KLHL5: variants seen among roughly 807,000 people sequenced by gnomAD.
The protein encoded by KLHL5 is kelch-like protein 5.
In KLHL5, 48 loss-of-function variants were observed where a neutral mutation model predicts 77.7. The observed-to-expected ratio is 0.62, with a 90% CI of 0.49 to 0.79. The LOEUF (loss-of-function observed/expected upper bound fraction) is 0.79, where lower values mean the gene tolerates loss of function less well. Among genes scored for constraint, KLHL5 ranks in the 30% least tolerant of loss-of-function variants. The probability of loss-of-function intolerance (pLI) is 0.00; values close to 1 mark genes in which losing one functional copy is unlikely to be tolerated. For missense variants in KLHL5, 723 were observed against 859.7 expected (o/e 0.84, Z 1.99); for synonymous variants, 260 against 297.0 (o/e 0.88, Z 1.28).
chr4:39,093,868 C>T (rs1462037336), intron 5 of KLHL5, among the ~76,000 whole-genome samples: 1 of 151,428 alleles, frequency 6.6e-6, no homozygotes, highest in African/African-American at 2.4e-5. Context: ...ATTGCGCCAC[C>T]ACACTCCAGC....
chr4:39,119,065 T>A (rs1723042636), intron 10 of KLHL5, among the ~76,000 whole-genome samples: 1 of 152,156 alleles, frequency 6.6e-6, no homozygotes, highest in Non-Finnish European at 1.5e-5. Context: ...AAGATAAGAA[T>A]CTCTTTTTCT....
upstream of KLHL5, chr4:39,044,962 C>G (rs1439798161): frequency 4.8e-6 from 4 of 833,450 alleles, no homozygotes; most frequent in Non-Finnish European, 5.2e-6. Flanking sequence ...TGAGGCTGCC[C>G]GGACAGGGTC....
At chr4:39,141,264 C>T in the KLHL5 span, among the ~76,000 whole-genome samples, 3 of 150,436 alleles carry the variant, frequency 2.0e-5, no homozygotes, top group African/African-American at 4.9e-5. Flanking sequence ...CTATATTAAA[C>T]ATTCCACTTC....
chr4:39,082,800 C>G (rs938917312), intron 4 of KLHL5, among the ~76,000 whole-genome samples: 10 of 152,036 alleles, frequency 6.6e-5, no homozygotes, highest in Non-Finnish European at 1.0e-4. Flanking sequence ...ATGGATTGAC[C>G]TAGGATAGTA....
chr4:39,125,083 A>G lies in KLHL5; in HGVS notation c.*4017A>G, dbSNP rs1723455454. On this transcript the variant is annotated 3_prime_UTR_variant, in exon 11 of 11. Transcript: ENST00000504108. ...TGGAAAGCACTCAACCTCATCAGTC[A>G]TTATGCAAATCAGCGCCACAAGAAG... 6.6e-6 allele frequency among the ~76,000 whole-genome samples: 1 copy of G among 152,172 alleles called. No homozygotes were observed.
intron 1 of KLHL5, 58 bp from the exon 2 acceptor site, chr4:39,075,907 A>C: frequency 1.4e-6 from 2 of 1,416,254 alleles, no homozygotes; most frequent in Non-Finnish European, 1.9e-6. Flanking sequence ...ACTTAATAGG[A>C]AAGATCTTTT....
intron 5 of KLHL5, among the ~76,000 whole-genome samples, chr4:39,092,939 G>C (rs1007981118): frequency 6.6e-6 from 1 of 152,174 alleles, no homozygotes; most frequent in Non-Finnish European, 1.5e-5. Flanking sequence ...TTAGAAAACA[G>C]TTAGGTTGTT....
chr4:39,062,974 A>G lies in KLHL5; in HGVS notation c.322A>G (p.Arg108Gly), dbSNP rs768567419. The change falls in exon 1 of 11, where the codon AGA becomes GGA. Residue 108 changes from arginine to glycine, a missense_variant. Coordinates refer to ENST00000504108, the MANE Select transcript of KLHL5 (RefSeq NM_015990.5). Reference sequence around the variant, plus strand: ...TTGTGGCGGTGCACATTGGCTGGATAGACCAGAAGTGGATGATGGCACTAG... The same window carrying G: ...TTGTGGCGGTGCACATTGGCTGGATGGACCAGAAGTGGATGATGGCACTAG... ...EDCGGAHWLD[R>G]PEVDDGTSEE... The G allele has an allele frequency of 2.5e-6, 4 of 1,613,998 alleles. No homozygotes were observed. In the South Asian group the frequency reaches 3.3e-5, roughly 13 times the overall value.
intron 10 of KLHL5, 108 bp downstream of exon 10, chr4:39,115,438 AATATGACAATCACGTTTTG>A: frequency 6.5e-7 from 1 of 1,549,582 alleles, no homozygotes. Context: ...ATATGGCATA[AATATGACAATCACGTTTTG>A]ATTAGCGATG....
intron 2 of KLHL5, among the ~76,000 whole-genome samples, 180 bp from the exon 3 acceptor site, chr4:39,080,923 G>A (rs554793750): frequency 1.6e-4 from 24 of 152,226 alleles, no homozygotes; most frequent in African/African-American, 5.8e-4. Flanking sequence ...CAGAAAATTT[G>A]GTAATGGTAA....
intron 9 of KLHL5, among the ~76,000 whole-genome samples, chr4:39,113,440 C>G (rs1722604713): frequency 6.6e-6 from 1 of 151,986 alleles, no homozygotes; most frequent in Non-Finnish European, 1.5e-5. Flanking sequence ...ACATGCAAGG[C>G]AATTTTATTT....
chr4:39,091,146 G>C (rs1002215650), intron 5 of KLHL5, among the ~76,000 whole-genome samples: 2 of 151,558 alleles, frequency 1.3e-5, no homozygotes, highest in African/African-American at 4.9e-5. Context: ...ATGCCACTAC[G>C]CCTGGCTAAT....
intron 6 of KLHL5, among the ~76,000 whole-genome samples, chr4:39,099,054 G>T (rs916495452): frequency 6.6e-6 from 1 of 152,208 alleles, no homozygotes; most frequent in South Asian, 2.1e-4. Flanking sequence ...AGGCCAAGGC[G>T]GGTGGATCAC....
chr4:39,118,620 G>C (rs953497667), intron 10 of KLHL5, among the ~76,000 whole-genome samples: 3 of 152,144 alleles, frequency 2.0e-5, no homozygotes, highest in Admixed American at 2.0e-4. Flanking sequence ...GCTGGGCGTG[G>C]TGGCGTGCAC....
intron 1 of KLHL5, among the ~76,000 whole-genome samples, chr4:39,053,062 G>A (rs1372646607): frequency 6.6e-6 from 1 of 152,188 alleles, no homozygotes; most frequent in Non-Finnish European, 1.5e-5. Flanking sequence ...TTTAGGGCAA[G>A]CTAGGCAGTT....
chr4:39,089,739 T>C (rs1720349234), intron 5 of KLHL5, among the ~76,000 whole-genome samples: 1 of 152,200 alleles, frequency 6.6e-6, no homozygotes, highest in African/African-American at 2.4e-5. Flanking sequence ...GGGGAACTTC[T>C]TGGAAATACA....
chr4:39,103,223 T>C, intron 6 of KLHL5, 64 bp from the exon 7 acceptor site: 2 of 1,166,774 alleles, frequency 1.7e-6, no homozygotes, highest in African/African-American at 1.5e-5. Flanking sequence ...GTATCTGTAA[T>C]TTCATAAAAT....
At position 39,073,954 on chromosome 4, in the gene KLHL5, A is replaced by G. The variant is rs572037556; in HGVS notation, c.384-2011A>G. Among the ~76,000 whole-genome samples, 14 of 151,880 alleles carry G rather than the reference A, an allele frequency of 9.2e-5. No homozygotes were observed. In the East Asian group the frequency reaches 2.7e-3, roughly 29 times the overall value. On this transcript the variant is annotated intron_variant, in intron 1 of 10. Transcript: ENST00000504108. Reference sequence around the variant, plus strand: ...GTGCTGGGATTATAGTACCTGCGAAATCTTCAAATTATTATTCATCAAAAC... The same window carrying G: ...GTGCTGGGATTATAGTACCTGCGAAGTCTTCAAATTATTATTCATCAAAAC...
chr4:39,052,392 T>C (rs1478611823), intron 1 of KLHL5, among the ~76,000 whole-genome samples: 1 of 152,098 alleles, frequency 6.6e-6, no homozygotes, highest in African/African-American at 2.4e-5. Flanking sequence ...GGGCTGCGGA[T>C]CACAGGTATG....
Sources: allele counts gnomAD v4.1 joint callset (sites outside exome capture counted in the v4.1 genomes callset), GRCh38; gene constraint gnomAD v4.1.1; transcripts MANE v1.5; gene names NCBI Gene and HGNC (gene_info 2026-07-23, HGNC 2026-07-21).